The following MMP26 variants were observed in gnomAD, a reference collection of about 807,000 sequenced individuals.
MMP26 encodes matrix metallopeptidase 26.
In MMP26, 33 loss-of-function variants were observed where a neutral mutation model predicts 31.0. The observed-to-expected ratio is 1.06, with a 90% CI of 0.81 to 1.42. The LOEUF is 1.42. Among genes scored for constraint, MMP26 ranks in the 40% most tolerant of loss-of-function variants. The pLI, the probability that MMP26 is intolerant of heterozygous loss-of-function variation, is 0.00. For synonymous variants in MMP26, 122 were observed against 114.9 expected, an observed-to-expected ratio of 1.06 and a Z score of -0.40; for missense variants, 347 against 316.1, an observed-to-expected ratio of 1.10 and a Z score of -0.74.
chr11:4,916,016 A>T (rs1276093719), intron 2 of MMP26, among the ~76,000 whole-genome samples: 6 of 152,006 alleles, frequency 3.9e-5, no homozygotes, highest in Admixed American at 3.9e-4. Flanking sequence ...TACTAGTCTC[A>T]CCCAGTGGGA....
At chr11:4,960,471 G>GT (rs894921035) in intron 2 of MMP26, among the ~76,000 whole-genome samples, 1 of 150,644 alleles carries the variant, frequency 6.6e-6, no homozygotes, top group Non-Finnish European at 1.5e-5. Context: ...TCCAGCCTCT[G>GT]TAACATCATT....
At chr11:4,869,670 T>G (rs1453945789) in intron 2 of MMP26, among the ~76,000 whole-genome samples, 1 of 152,098 alleles carries the variant, frequency 6.6e-6, no homozygotes, top group Non-Finnish European at 1.5e-5. Flanking sequence ...CAATTCCTCA[T>G]GGATCTAGAA....
intron 2 of MMP26, among the ~76,000 whole-genome samples, chr11:4,869,718 G>T (rs919577768): frequency 4.6e-5 from 7 of 152,124 alleles, no homozygotes; most frequent in Non-Finnish European, 4.4e-5. Context: ...CCATTACTGG[G>T]TATATACCCA....
chr11:4,808,681 CAG>C (rs1229853760), intron 2 of MMP26, among the ~76,000 whole-genome samples: 1 of 151,930 alleles, frequency 6.6e-6, no homozygotes, highest in Non-Finnish European at 1.5e-5. Flanking sequence ...TTTCACAGGG[CAG>C]AGCTTCCCCA....
At chr11:4,951,093 C>A (rs1846368111) in intron 2 of MMP26, among the ~76,000 whole-genome samples, 1 of 123,878 alleles carries the variant, frequency 8.1e-6, no homozygotes. Flanking sequence ...TCATATTAGC[C>A]AACATTTGAA....
intron 2 of MMP26, among the ~76,000 whole-genome samples, chr11:4,811,432 A>T (rs1849348584): frequency 6.6e-6 from 1 of 152,052 alleles, no homozygotes; most frequent in African/African-American, 2.4e-5. Flanking sequence ...TTTAGCTTTC[A>T]CTTGTAAATG....
intron 2 of MMP26, among the ~76,000 whole-genome samples, chr11:4,841,493 T>C (rs1471613264): frequency 1.3e-5 from 2 of 152,208 alleles, no homozygotes; most frequent in East Asian, 3.9e-4. Flanking sequence ...GAGAGTAACA[T>C]AAGATAATTA....
intron 2 of MMP26, among the ~76,000 whole-genome samples, chr11:4,958,342 CTT>C (rs950201257): frequency 1.3e-5 from 2 of 152,196 alleles, no homozygotes; most frequent in South Asian, 2.1e-4. Context: ...GTATCTCACT[CTT>C]TTTATTTTTT....
At chr11:4,851,150 G>A (rs553194027) in intron 2 of MMP26, among the ~76,000 whole-genome samples, 2 of 152,278 alleles carry the variant, frequency 1.3e-5, no homozygotes, top group African/African-American at 2.4e-5. Context: ...TTATTGAAAC[G>A]ACTGAACTTT....
At chr11:4,782,635 A>G (rs1848879629) in intron 2 of MMP26, among the ~76,000 whole-genome samples, 1 of 147,796 alleles carries the variant, frequency 6.8e-6, no homozygotes, top group Non-Finnish European at 1.5e-5. Context: ...TTAATTCCCA[A>G]GACAACGGGG....
intron 2 of MMP26, among the ~76,000 whole-genome samples, chr11:4,833,790 T>G (rs769062206): frequency 2.6e-5 from 4 of 152,156 alleles, no homozygotes; most frequent in Non-Finnish European, 4.4e-5. Context: ...GAGGAAGTTA[T>G]AGAAGGGCCA....
At position 4,719,912 on chromosome 11, in the gene MMP26, T is replaced by A. The variant is rs555053352; in HGVS notation, c.-217+14867T>A. Among the ~76,000 whole-genome samples the A allele has an allele frequency of 2.4e-4, 37 of 152,336 alleles. 2 individuals carry two copies. The highest frequency in any genetic ancestry group is 7.9e-4 in the African/African-American group (33 of 41,584). Reference sequence around the variant, plus strand: ...AGTGTCTACTTATTATTTAAACTTCTCCCTTAAAGAGATAAGTAACATCAC... The same window carrying A: ...AGTGTCTACTTATTATTTAAACTTCACCCTTAAAGAGATAAGTAACATCAC... On this transcript the variant is annotated intron_variant, in intron 1 of 7. Transcript: ENST00000380390.
intron 3 of MMP26, among the ~76,000 whole-genome samples, chr11:4,988,715 C>T (rs1411640273): frequency 6.6e-6 from 1 of 152,110 alleles, no homozygotes; most frequent in Non-Finnish European, 1.5e-5. Flanking sequence ...CCCAGTCGGT[C>T]TACCACACAC....
intron 2 of MMP26, among the ~76,000 whole-genome samples, chr11:4,920,622 C>T (rs749419425): frequency 3.3e-5 from 5 of 152,118 alleles, no homozygotes; most frequent in Non-Finnish European, 5.9e-5. Flanking sequence ...AAAGCAAGCA[C>T]AGAACAATTA....
intron 2 of MMP26, chr11:4,955,170 G>A (rs1339224724): frequency 7.6e-7 from 1 of 1,319,360 alleles, no homozygotes; most frequent in African/African-American, 1.6e-5. Flanking sequence ...TCCTGGTGGA[G>A]ACAGTAGGAA....
intron 2 of MMP26, among the ~76,000 whole-genome samples, chr11:4,842,185 A>T (rs1438336115): frequency 2.0e-5 from 3 of 152,222 alleles, no homozygotes; most frequent in Non-Finnish European, 4.4e-5. Flanking sequence ...AAAAATATTA[A>T]AATGCAGCAG....
At chr11:4,988,651 C>T (rs1330460252) in intron 3 of MMP26, among the ~76,000 whole-genome samples, 1 of 151,994 alleles carries the variant, frequency 6.6e-6, no homozygotes, top group Non-Finnish European at 1.5e-5. Flanking sequence ...AGTGAGAGAT[C>T]AAGGGAAATC....
chr11:4,951,622 T>C, intron 2 of MMP26, among the ~76,000 whole-genome samples: 1 of 124,500 alleles, frequency 8.0e-6, no homozygotes, highest in South Asian at 2.4e-4. Context: ...TTCTCCAAAC[T>C]TTCTGGAAAG....
chr11:4,736,305 C>T (rs943623178), intron 1 of MMP26: 1 of 152,004 alleles, frequency 6.6e-6, no homozygotes, highest in Non-Finnish European at 1.5e-5. Flanking sequence ...CGCTCTTTTC[C>T]CAAACCTATG....
Sources: allele counts gnomAD v4.1 joint callset (sites outside exome capture counted in the v4.1 genomes callset), GRCh38; gene constraint gnomAD v4.1.1; transcripts MANE v1.5; gene names NCBI Gene and HGNC (gene_info 2026-07-23, HGNC 2026-07-21).